The following ALPL variants were observed in gnomAD, a reference collection of about 807,000 sequenced individuals.
ALPL encodes the protein alkaline phosphatase, tissue-nonspecific isozyme.
In ALPL, 42 loss-of-function variants were observed where a neutral mutation model predicts 51.3. That is an observed-to-expected ratio of 0.82 (90% confidence interval 0.64 to 1.06). The LOEUF (loss-of-function observed/expected upper bound fraction) is 1.06, where lower values mean the gene tolerates loss of function less well. ALPL is among the 50% of genes least tolerant of loss of function. ALPL has a pLI of 0.00. For missense variants in ALPL, 589 were observed against 709.4 expected (o/e 0.83, Z 1.93); for synonymous variants, 279 against 296.4 (o/e 0.94, Z 0.60).
intron 1 of ALPL, among the ~76,000 whole-genome samples, chr1:21,515,990 T>C (rs1470914242): frequency 6.6e-6 from 1 of 152,154 alleles, no homozygotes; most frequent in Non-Finnish European, 1.5e-5. Context: ...GCAATCCTCC[T>C]ACCCCAACCT....
intron 1 of ALPL, among the ~76,000 whole-genome samples, chr1:21,527,845 G>C (rs909475374): frequency 6.6e-6 from 1 of 151,978 alleles, no homozygotes; most frequent in African/African-American, 2.4e-5. Flanking sequence ...CACCACGCCC[G>C]GCCAGCCTTT....
rs936422953 is a variant in ALPL at position 21,554,223 on chromosome 1, C to G, written c.61+81C>G. 3 of 1,398,694 alleles carry G rather than the reference C, an allele frequency of 2.1e-6. No homozygotes were observed. In the African/African-American group the frequency reaches 4.3e-5, roughly 20 times the overall value. The allele number at this position is 1,398,694 out of a possible 1,614,324, so 86.6% of individuals were successfully genotyped here. A position where few individuals can be genotyped will look rare whatever the true frequency, so the allele number is the denominator to read the frequency against. On this transcript the variant is annotated intron_variant, in intron 2 of 11. Coordinates refer to ENST00000374840, the MANE Select transcript of ALPL (RefSeq NM_000478.6). ...GAGGGCAGTGTCTATGTTTTAAGGT[C>G]CCAGAACCATCCAAAGTATTTAAGA...
At chr1:21,532,662 T>C (rs915055676) in intron 1 of ALPL, among the ~76,000 whole-genome samples, 1 of 152,234 alleles carries the variant, frequency 6.6e-6, no homozygotes. Context: ...CCCAAACCTC[T>C]GCGTGCACCT....
rs143736112 is a variant in ALPL, at chr1:21,528,248, G to A, written c.-105+18731G>A. On this transcript the variant is annotated intron_variant, in intron 1 of 11. Coordinates refer to ENST00000374840, the MANE Select transcript of ALPL (RefSeq NM_000478.6). ...TTGCCCAGGCTGGTCTCGAACTCCT[G>A]GGCTTAAGCGATCCTCCTGCCGTGG... is the stretch of plus-strand genomic sequence containing the variant. Among the ~76,000 whole-genome samples, 538 of 151,724 alleles carry A rather than the reference G, an allele frequency of 3.5e-3. 1 individual carries two copies. Among genetic ancestry groups the A allele is most frequent in the Non-Finnish European group, 5.8e-3 (396 of 67,964 alleles).
chr1:21,515,719 C>G (rs1226285082), intron 1 of ALPL, among the ~76,000 whole-genome samples: 1 of 152,066 alleles, frequency 6.6e-6, no homozygotes, highest in Non-Finnish European at 1.5e-5. Context: ...CAACCTCTTG[C>G]CTTCTTTAGT....
intron 1 of ALPL, among the ~76,000 whole-genome samples, chr1:21,547,409 C>T (rs1180440629): frequency 1.3e-5 from 2 of 152,174 alleles, no homozygotes; most frequent in Non-Finnish European, 2.9e-5. Flanking sequence ...CCAAGATGGC[C>T]CTCCTGTCCC....
At chr1:21,514,715 C>T (rs1643759954) in intron 1 of ALPL, among the ~76,000 whole-genome samples, 1 of 152,320 alleles carries the variant, frequency 6.6e-6, no homozygotes, top group African/African-American at 2.4e-5. Flanking sequence ...ATTGCTGATA[C>T]TAACCTCACA....
chr1:21,537,143 G>A (rs987519082), intron 1 of ALPL, among the ~76,000 whole-genome samples: 7 of 152,066 alleles, frequency 4.6e-5, no homozygotes, highest in South Asian at 2.1e-4. Flanking sequence ...TGATCTGCCC[G>A]CCTCGGCCTC....
chr1:21,570,359 G>A lies in ALPL; in HGVS notation c.847G>A (p.Val283Met). The A allele has an allele frequency of 3.1e-6, 5 of 1,614,076 alleles. No individual in the cohort carries two copies. The highest frequency in any genetic ancestry group is 4.2e-6 in the Non-Finnish European group (5 of 1,179,998). Residue 283 changes from valine to methionine, a missense_variant, in exon 8 of 12, where the codon GTG becomes ATG. Val to Met is a conservative substitution (Grantham distance 21). Coordinates refer to ENST00000374840, the MANE Select transcript of ALPL (RefSeq NM_000478.6). ...TELLTLDPHN[V>M]DYLLGLFEPG... is the part of the protein sequence containing the mutation. ...ACTCCTGACCCTTGACCCCCACAATGTGGACTACCTATTGGGTAAGTGGAG... is the reference window on the plus strand; with the variant it reads ...ACTCCTGACCCTTGACCCCCACAATATGGACTACCTATTGGGTAAGTGGAG...
At chr1:21,568,439 G>A (rs1307491516) in intron 7 of ALPL, among the ~76,000 whole-genome samples, 192 bp downstream of exon 7, 1 of 152,124 alleles carries the variant, frequency 6.6e-6, no homozygotes, top group Non-Finnish European at 1.5e-5. Flanking sequence ...CCTTGGAGGG[G>A]ATACCAGAGA....
intron 1 of ALPL, among the ~76,000 whole-genome samples, chr1:21,538,603 C>A (rs1338655829): frequency 1.3e-5 from 2 of 152,196 alleles, no homozygotes; most frequent in Non-Finnish European, 2.9e-5. Flanking sequence ...TGCGTGGGGC[C>A]ATCTGCACAA....
At chr1:21,538,086 A>G (rs1299904594) in intron 1 of ALPL, among the ~76,000 whole-genome samples, 1 of 152,174 alleles carries the variant, frequency 6.6e-6, no homozygotes, top group Admixed American at 6.5e-5. Flanking sequence ...GCTAACACCT[A>G]TTGTTTAATG....
At chr1:21,574,881 G>C (rs1644705490) in intron 9 of ALPL, 1 of 152,404 alleles carries the variant, frequency 6.6e-6, no homozygotes, top group African/African-American at 2.4e-5. Context: ...GGCTCAGACT[G>C]GTGGGAACAG....
intron 1 of ALPL, among the ~76,000 whole-genome samples, chr1:21,548,262 G>A (rs568569364): frequency 3.3e-5 from 5 of 152,360 alleles, no homozygotes; most frequent in Admixed American, 2.0e-4. Flanking sequence ...GAGCCTCTGC[G>A]AGGGGGAGGG....
Position 21,553,958 on chromosome 1 carries a change from T to C in ALPL, c.-104-20T>C. On this transcript the variant is annotated intron_variant, in intron 1 of 11. Coordinates refer to ENST00000374840, the MANE Select transcript of ALPL (RefSeq NM_000478.6). ...GAGCTGTGCCCCACATGCCTCTTTT[T>C]CTCTTTTTTTAATTTCTAGGATTGG... The C allele has an allele frequency of 1.2e-6, 1 of 843,330 alleles. No homozygotes were observed. Among genetic ancestry groups the C allele is most frequent in the Middle Eastern group, 3.4e-4 (1 of 2,966 alleles). 52.2% of individuals were successfully genotyped at this position (843,330 alleles called of 1,614,324 possible).
At chr1:21,522,428 A>T (rs2148069080) in intron 1 of ALPL, among the ~76,000 whole-genome samples, 1 of 152,140 alleles carries the variant, frequency 6.6e-6, no homozygotes, top group South Asian at 2.1e-4. Flanking sequence ...GCTCACATGT[A>T]TTTTTTCATT....
chr1:21,567,766 T>A (rs575200513), intron 6 of ALPL, among the ~76,000 whole-genome samples: 2 of 152,318 alleles, frequency 1.3e-5, no homozygotes, highest in Non-Finnish European at 2.9e-5. Flanking sequence ...TCAGAATGTA[T>A]CTTAAATGCT....
At chr1:21,571,354 T>C (rs542175302) in intron 8 of ALPL, among the ~76,000 whole-genome samples, 2 of 152,358 alleles carry the variant, frequency 1.3e-5, no homozygotes, top group African/African-American at 4.8e-5. Context: ...TATCTGTTGC[T>C]GTATAACAAA....
chr1:21,563,825 T>TGAGGGGA (rs1644522667), intron 5 of ALPL, among the ~76,000 whole-genome samples: 1 of 151,708 alleles, frequency 6.6e-6, no homozygotes, highest in Non-Finnish European at 1.5e-5. Context: ...GCCTTCGGGG[T>TGAGGGGA]GAGGGGAGAG....
Sources: allele counts gnomAD v4.1 joint callset (sites outside exome capture counted in the v4.1 genomes callset), GRCh38; gene constraint gnomAD v4.1.1; transcripts MANE v1.5; gene names NCBI Gene and HGNC (gene_info 2026-07-23, HGNC 2026-07-21).